ITFG1: variants seen among roughly 807,000 people sequenced by gnomAD.
ITFG1 encodes the protein T-cell immunomodulatory protein.
In ITFG1, 34 loss-of-function variants were observed where a neutral mutation model predicts 81.8. The ratio of observed to expected loss-of-function variants is 0.42; its 90% CI spans 0.32 to 0.55. ITFG1 has a LOEUF of 0.55. ITFG1 is among the 20% of genes least tolerant of loss of function. ITFG1 has a pLI of 0.17. For synonymous variants in ITFG1, 285 were observed against 270.6 expected, an observed-to-expected ratio of 1.05 and a Z score of -0.52; for missense variants, 672 against 755.4, an observed-to-expected ratio of 0.89 and a Z score of 1.29.
intron 8 of ITFG1, among the ~76,000 whole-genome samples, chr16:47,333,467 C>T (rs1160272441): frequency 6.6e-6 from 1 of 152,090 alleles, no homozygotes; most frequent in Admixed American, 6.6e-5. Context: ...GGTAAATGGA[C>T]AATACTGGAG....
At chr16:47,250,029 C>T (rs1043149699) in intron 12 of ITFG1, among the ~76,000 whole-genome samples, 1 of 152,190 alleles carries the variant, frequency 6.6e-6, no homozygotes, top group Non-Finnish European at 1.5e-5. Flanking sequence ...TATTCCTTCT[C>T]TGAAAATGTC....
chr16:47,204,955 T>G (rs1207924551), intron 14 of ITFG1, among the ~76,000 whole-genome samples: 1 of 152,162 alleles, frequency 6.6e-6, no homozygotes, highest in East Asian at 1.9e-4. Context: ...TGCTAAACTA[T>G]CAAAAGACAG....
Position 47,461,063 on chromosome 16 carries a change from C to G in ITFG1, c.-18G>C, listed in dbSNP as rs552862718. 4,322 of 1,517,172 alleles carry G rather than the reference C, an allele frequency of 2.8e-3. 15 individuals carry two copies. Among genetic ancestry groups the G allele is most frequent in the Non-Finnish European group, 2.8e-3 (3,190 of 1,137,904 alleles). 94.0% of individuals were successfully genotyped at this position (1,517,172 alleles called of 1,614,324 possible). The stretch of plus-strand genomic sequence containing the variant: ...GCCGCCATGGCAGCCCCTCAGCCCC[C>G]GCCCGCCGGCCCAACGCCGCGCTTG... On this transcript the variant is annotated 5_prime_UTR_variant, in exon 1 of 18. Coordinates refer to ENST00000320640, the MANE Select transcript of ITFG1 (RefSeq NM_030790.5).
At chr16:47,220,086 T>TA (rs1238242967) in intron 13 of ITFG1, among the ~76,000 whole-genome samples, 5 of 152,032 alleles carry the variant, frequency 3.3e-5, no homozygotes, top group African/African-American at 9.7e-5. Flanking sequence ...TGTATTCAGT[T>TA]AAAAAAAATC....
At chr16:47,430,597 G>A (rs1296478410) in intron 5 of ITFG1, among the ~76,000 whole-genome samples, 1 of 151,922 alleles carries the variant, frequency 6.6e-6, no homozygotes, top group African/African-American at 2.4e-5. Flanking sequence ...GTCATACAAG[G>A]TTTTCTAATA....
chr16:47,460,881 G>T lies in ITFG1; in HGVS notation c.165C>A (p.Asp55Glu). Residue 55 changes from aspartate (D) to glutamate (E), a missense_variant, in exon 1 of 18, where the codon GAC becomes GAA. Physicochemically the swap from Asp to Glu is conservative, Grantham distance 45 (BLOSUM62 2). Around this residue, in one of 3 missense-constraint regions of ITFG1, gnomAD observed 560 missense variants for 625.7 expected, o/e 0.90. Transcript: ENST00000320640. ...GATCCGTCTGCTTGTCGGAGTTGAG[G>T]TCCCCGAAAGCCGCAAGGGTGCCCC... is the stretch of plus-strand genomic sequence containing the variant. Reference protein sequence around the residue: ...EAWGTLAAFGDLNSDKQTDLF... With the variant: ...EAWGTLAAFGELNSDKQTDLF... 6.2e-7 allele frequency: 1 copy of T among 1,613,706 alleles called. No homozygotes were observed. The highest frequency in any genetic ancestry group is 1.1e-5 in the South Asian group (1 of 91,046).
chr16:47,183,438 C>T (rs201524677), intron 14 of ITFG1, among the ~76,000 whole-genome samples: 4,504 of 152,232 alleles, frequency 0.03, 139 homozygotes, highest in East Asian at 0.11. Context: ...GATCTGAGAA[C>T]GGGCAGACTG....
intron 5 of ITFG1, among the ~76,000 whole-genome samples, chr16:47,434,027 C>A (rs911318128): frequency 1.3e-5 from 2 of 150,310 alleles, no homozygotes; most frequent in South Asian, 2.1e-4. Flanking sequence ...GGAAAGTAGA[C>A]CCCTTCCTTA....
intron 5 of ITFG1, chr16:47,448,478 C>A (rs768172822): frequency 6.6e-6 from 1 of 152,056 alleles, no homozygotes; most frequent in African/African-American, 2.4e-5. Context: ...TATTTTCATG[C>A]GATCACTTGT....
intron 6 of ITFG1, among the ~76,000 whole-genome samples, chr16:47,398,690 C>T (rs1596957342): frequency 6.6e-6 from 1 of 152,302 alleles, no homozygotes; most frequent in East Asian, 1.9e-4. Context: ...CAGATCTTTT[C>T]TGTCAGGTAA....
chr16:47,428,558 T>C (rs1226154372), intron 6 of ITFG1, among the ~76,000 whole-genome samples: 2 of 152,152 alleles, frequency 1.3e-5, no homozygotes, highest in African/African-American at 4.8e-5. Context: ...TTATCATGAA[T>C]TCATAAAAAG....
At position 47,182,694 on chromosome 16, in the gene ITFG1, G is replaced by A. The variant is rs141863918; in HGVS notation, c.1454-20030C>T. On this transcript the variant is annotated intron_variant, in intron 14 of 17. Coordinates refer to ENST00000320640, the MANE Select transcript of ITFG1 (RefSeq NM_030790.5). ...GTATCATCTACTGCATGGATTCGGT[G>A]AGGAAATTACCAGATAATTAATAGT... 8.6e-4 allele frequency among the ~76,000 whole-genome samples: 131 copies of A among 152,340 alleles called. 1 individual carries two copies. In the Middle Eastern group the frequency reaches 0.017, roughly 20 times the overall value.
At chr16:47,352,528 G>C (rs1231846430) in intron 8 of ITFG1, among the ~76,000 whole-genome samples, 1 of 152,172 alleles carries the variant, frequency 6.6e-6, no homozygotes, top group Non-Finnish European at 1.5e-5. Flanking sequence ...ATACCAGTTA[G>C]AATGGCGATC....
intron 8 of ITFG1, among the ~76,000 whole-genome samples, chr16:47,330,916 A>G (rs1000089556): frequency 2.6e-5 from 4 of 152,174 alleles, no homozygotes; most frequent in Non-Finnish European, 4.4e-5. Context: ...TAGCTTGGAG[A>G]TTTCTCAAAG....
intron 6 of ITFG1, among the ~76,000 whole-genome samples, chr16:47,391,024 C>T (rs778610017): frequency 5.3e-4 from 81 of 151,700 alleles, no homozygotes; most frequent in Non-Finnish European, 1.1e-3. Flanking sequence ...ATGGGAATCC[C>T]GAGCCTGTAG....
At chr16:47,348,588 T>C (rs201163079) in intron 8 of ITFG1, among the ~76,000 whole-genome samples, 2 of 152,302 alleles carry the variant, frequency 1.3e-5, no homozygotes, top group East Asian at 1.9e-4. Flanking sequence ...GTCTGAATGG[T>C]GTACCTGAAA....
intron 7 of ITFG1, among the ~76,000 whole-genome samples, chr16:47,368,147 T>C (rs2151587726): frequency 6.7e-6 from 1 of 149,884 alleles, no homozygotes; most frequent in Admixed American, 6.7e-5. Context: ...GGCAGAAGAA[T>C]GGTGTGAACC....
intron 13 of ITFG1, among the ~76,000 whole-genome samples, chr16:47,224,910 G>T (rs534511286): frequency 6.6e-6 from 1 of 152,228 alleles, no homozygotes; most frequent in South Asian, 2.1e-4. Context: ...GAGGTGGGAG[G>T]ATTGCCTCAG....
intron 8 of ITFG1, among the ~76,000 whole-genome samples, chr16:47,349,084 C>T (rs990976344): frequency 1.1e-3 from 163 of 152,226 alleles, no homozygotes; most frequent in South Asian, 1.7e-3. Context: ...AAGGAACAAC[C>T]GGTACCAGCC....
Sources: allele counts gnomAD v4.1 joint callset (sites outside exome capture counted in the v4.1 genomes callset), GRCh38; gene constraint gnomAD v4.1.1; regional missense constraint gnomAD v4.1.1; transcripts MANE v1.5; gene names NCBI Gene and HGNC (gene_info 2026-07-23, HGNC 2026-07-21).